The following EPHB2 variants were observed in gnomAD, a reference collection of about 807,000 sequenced individuals.
The protein encoded by EPHB2 is EPH receptor B2.
EPHB2 carries 18 observed loss-of-function variants against 96.4 expected under a neutral mutation model. The ratio of observed to expected loss-of-function variants is 0.19; its 90% CI spans 0.13 to 0.28. EPHB2 has a LOEUF of 0.28. Among genes scored for constraint, EPHB2 ranks in the 10% least tolerant of loss-of-function variants. The pLI, the probability that EPHB2 is intolerant of heterozygous loss-of-function variation, is 1.00. For synonymous variants in EPHB2, 506 were observed against 534.1 expected, an observed-to-expected ratio of 0.95 and a Z score of 0.72; for missense variants, 989 against 1,355.4, an observed-to-expected ratio of 0.73 and a Z score of 4.25.
At chr1:22,804,130 G>A (rs1187169216) in intron 3 of EPHB2, among the ~76,000 whole-genome samples, 1 of 152,132 alleles carries the variant, frequency 6.6e-6, no homozygotes, top group Non-Finnish European at 1.5e-5. Context: ...CACATTAATG[G>A]AACTGCCTTT....
intron 1 of EPHB2, among the ~76,000 whole-genome samples, chr1:22,713,678 T>G (rs1570133577): frequency 6.6e-6 from 1 of 151,722 alleles, no homozygotes; most frequent in South Asian, 2.1e-4. Flanking sequence ...AGTAGGAGGG[T>G]GGCCCCTCTG....
intron 3 of EPHB2, among the ~76,000 whole-genome samples, chr1:22,847,455 G>A (rs1466982343): frequency 6.6e-6 from 1 of 152,212 alleles, no homozygotes; most frequent in Non-Finnish European, 1.5e-5. Context: ...TGGTAAAGAG[G>A]TGGGGCTGGA....
intron 3 of EPHB2, among the ~76,000 whole-genome samples, chr1:22,841,736 G>C (rs1645472272): frequency 6.6e-6 from 1 of 152,202 alleles, no homozygotes; most frequent in African/African-American, 2.4e-5. Context: ...GCAGCCCCAT[G>C]CCCTGTCGGC....
chr1:22,815,595 T>C (rs945830953), intron 3 of EPHB2, among the ~76,000 whole-genome samples: 1 of 152,234 alleles, frequency 6.6e-6, no homozygotes, highest in Non-Finnish European at 1.5e-5. Flanking sequence ...CCTTCTTGGC[T>C]CTCAATTTTG....
At chr1:22,909,197 GCCTCTCTGGC>G in intron 13 of EPHB2, 26 bp downstream of exon 13, 1 of 1,614,092 alleles carries the variant, frequency 6.2e-7, no homozygotes, top group Non-Finnish European at 8.5e-7. Context: ...GATAGGCAAG[GCCTCTCTGGC>G]CCACCAGATG....
intron 5 of EPHB2, among the ~76,000 whole-genome samples, chr1:22,871,506 G>A (rs1029754516): frequency 6.6e-6 from 1 of 152,156 alleles, no homozygotes; most frequent in Admixed American, 6.5e-5. Context: ...TCATTTCTCT[G>A]AGCCTCAGTT....
intron 1 of EPHB2, among the ~76,000 whole-genome samples, chr1:22,759,600 C>G (rs1272726305): frequency 1.3e-5 from 2 of 152,140 alleles, no homozygotes; most frequent in African/African-American, 4.8e-5. Flanking sequence ...CTGTTTAGGA[C>G]TGCGCTGTTG....
chr1:22,878,038 G>C (rs1052355749), intron 5 of EPHB2, among the ~76,000 whole-genome samples: 12 of 152,254 alleles, frequency 7.9e-5, no homozygotes, highest in Non-Finnish European at 1.6e-4. Context: ...TTGTTGGGAG[G>C]TGAAACTCCA....
intron 3 of EPHB2, among the ~76,000 whole-genome samples, chr1:22,786,907 T>C (rs972929442): frequency 6.6e-5 from 10 of 152,294 alleles, no homozygotes; most frequent in South Asian, 4.1e-4. Flanking sequence ...AAATTTGGTT[T>C]TACGTCCTTG....
chr1:22,806,978 G>A (rs930580769), intron 3 of EPHB2, among the ~76,000 whole-genome samples: 3 of 152,098 alleles, frequency 2.0e-5, no homozygotes, highest in Admixed American at 6.5e-5. Context: ...AGAGGCAGGC[G>A]CCTCTGCTTA....
At chr1:22,761,717 C>T (rs1345652866) in intron 1 of EPHB2, among the ~76,000 whole-genome samples, 1 of 152,230 alleles carries the variant, frequency 6.6e-6, no homozygotes, top group African/African-American at 2.4e-5. Context: ...CCCTGGACGC[C>T]CTTCCCTGCC....
chr1:22,749,865 G>A (rs1644035891), intron 1 of EPHB2, among the ~76,000 whole-genome samples: 5 of 152,024 alleles, frequency 3.3e-5, no homozygotes, highest in Admixed American at 3.3e-4. Flanking sequence ...ACGGACAAAA[G>A]GATGGGGATG....
intron 7 of EPHB2, among the ~76,000 whole-genome samples, chr1:22,895,163 G>A (rs1272619450): frequency 3.9e-5 from 6 of 152,274 alleles, no homozygotes; most frequent in Non-Finnish European, 8.8e-5. Context: ...CAGAGTCTGC[G>A]CTTTTAACTG....
intron 6 of EPHB2, among the ~76,000 whole-genome samples, chr1:22,886,281 G>C (rs545237944): frequency 6.6e-6 from 1 of 152,232 alleles, no homozygotes; most frequent in Non-Finnish European, 1.5e-5. Context: ...GGATGTGTGG[G>C]CTGCATTCAG....
intron 3 of EPHB2, among the ~76,000 whole-genome samples, chr1:22,830,033 A>G (rs1411263669): frequency 6.6e-6 from 1 of 152,194 alleles, no homozygotes; most frequent in Non-Finnish European, 1.5e-5. Flanking sequence ...GTGCGAGTTC[A>G]TGATCATGCT....
In EPHB2 at chr1:22,910,516, G is replaced by A. The variant is rs142464595; in HGVS notation, c.2637G>A (p.Thr879=). ...CCAAGTTCGGCCAAATTGTCAACAC[G>A]CTAGACAAGATGATCCGCAATCCCA... ...HRPKFGQIVN[T]LDKMIRNPNS... The change falls in exon 14 of 16, where the codon ACG becomes ACA. Residue 879 remains threonine, a synonymous_variant. Transcript: ENST00000374630. 5.5e-5 allele frequency: 88 copies of A among 1,613,052 alleles called. No homozygotes were observed. The highest frequency in any genetic ancestry group is 6.7e-5 in the Non-Finnish European group (79 of 1,180,040).
At chr1:22,824,167 A>G (rs2148477690) in intron 3 of EPHB2, among the ~76,000 whole-genome samples, 1 of 152,204 alleles carries the variant, frequency 6.6e-6, no homozygotes, top group East Asian at 1.9e-4. Context: ...GGAGAAAATG[A>G]TGAATACATG....
intron 1 of EPHB2, among the ~76,000 whole-genome samples, chr1:22,732,484 A>C (rs1023025920): frequency 6.6e-6 from 1 of 152,194 alleles, no homozygotes; most frequent in South Asian, 2.1e-4. Flanking sequence ...GCCTTGTTGA[A>C]ATAAAAATAG....
In EPHB2 at chr1:22,918,873, A is replaced by G. The variant is rs1640331107; in HGVS notation, c.*5303A>G. On this transcript the variant is annotated 3_prime_UTR_variant, in exon 16 of 16. Transcript: ENST00000374630. This position sits in a 1 kb window ranked among gnomAD's most constrained non-coding sequence, Gnocchi z 4.2. Reference sequence around the variant, plus strand: ...CTTACCATATGCCAGGTGCCAAAGCATTATCCTCTCCACTTTATGAGTGAG... The same window carrying G: ...CTTACCATATGCCAGGTGCCAAAGCGTTATCCTCTCCACTTTATGAGTGAG... The G allele has an allele frequency of 6.6e-6, 1 of 152,208 alleles. No individual in the cohort carries two copies. The highest frequency in any genetic ancestry group is 1.5e-5 in the Non-Finnish European group (1 of 68,044). 9.4% of individuals were successfully genotyped at this position (152,208 alleles called of 1,614,324 possible). A position where few individuals can be genotyped will look rare whatever the true frequency, so the allele number is the denominator to read the frequency against.
Sources: allele counts gnomAD v4.1 joint callset (sites outside exome capture counted in the v4.1 genomes callset), GRCh38; gene constraint gnomAD v4.1.1; non-coding constraint Gnocchi (gnomAD v3.1); transcripts MANE v1.5; gene names NCBI Gene and HGNC (gene_info 2026-07-23, HGNC 2026-07-21).